URB1: variants seen among roughly 807,000 people sequenced by gnomAD.
URB1 encodes URB1 ribosome biogenesis factor, also known as nucleolar pre-ribosomal-associated protein 1.
A neutral mutation model predicts 242.3 loss-of-function variants in URB1; 197 were observed. The observed-to-expected ratio is 0.81, with a 90% CI of 0.72 to 0.91. The LOEUF is 0.91. Among genes scored for constraint, URB1 ranks in the 40% least tolerant of loss-of-function variants. The probability of loss-of-function intolerance (pLI) is 0.00; values close to 1 mark genes in which losing one functional copy is unlikely to be tolerated. For missense variants in URB1, 2,721 were observed against 2,860.5 expected (o/e 0.95, Z 1.11); for synonymous variants, 1,153 against 1,201.8 (o/e 0.96, Z 0.84).
chr21:32,315,702 G>A (rs1371689262), intron 38 of URB1, among the ~76,000 whole-genome samples: 1 of 152,226 alleles, frequency 6.6e-6, no homozygotes, highest in Non-Finnish European at 1.5e-5. Context: ...TGAAATTTGA[G>A]AAGAACTTCC....
chr21:32,325,368 T>C lies in URB1; in HGVS notation c.4982A>G (p.Lys1661Arg), dbSNP rs1228099138. Residue 1661 changes from lysine to arginine, a missense_variant, in exon 31 of 39, where the codon AAA (lysine) becomes AGA (arginine). By Grantham distance (26) the Lys-to-Arg change is conservative. Coordinates refer to ENST00000382751, the MANE Select transcript of URB1 (RefSeq NM_014825.3). ...GCCCAGAGCATTTGAATCCAAAAAT[T>C]TTCGACAATCCACCACAAACTCTGC... ...TRPEFVVDCR[K>R]FLDSNALGLT... The C allele has an allele frequency of 3.9e-6, 6 of 1,550,740 alleles. No homozygotes were observed. Among genetic ancestry groups the C allele is most frequent in the Non-Finnish European group, 5.2e-6 (6 of 1,146,208 alleles).
At chr21:32,391,189 G>A (rs1294097054) in intron 1 of URB1, among the ~76,000 whole-genome samples, 1 of 150,742 alleles carries the variant, frequency 6.6e-6, no homozygotes, top group Non-Finnish European at 1.5e-5. Flanking sequence ...GACACAGGAA[G>A]GGGAACATCA....
chr21:32,359,135 A>G (rs1050639941), intron 14 of URB1, among the ~76,000 whole-genome samples: 2 of 152,228 alleles, frequency 1.3e-5, no homozygotes, highest in African/African-American at 4.8e-5. Context: ...CTGGTTCCAT[A>G]TAAGATCTAA....
At chr21:32,357,345 GC>G (rs1351418229) in intron 15 of URB1, among the ~76,000 whole-genome samples, 191 bp downstream of exon 15, 1 of 147,882 alleles carries the variant, frequency 6.8e-6, no homozygotes, top group Admixed American at 6.7e-5. Context: ...TTTTTCCAAT[GC>G]ACCAGGCTGC....
chr21:32,322,276 A>T (rs2833766), intron 33 of URB1, among the ~76,000 whole-genome samples: 23,170 of 152,208 alleles, frequency 0.15, 2,117 homozygotes, highest in African/African-American at 0.26. Flanking sequence ...TCTGAAGCAG[A>T]GTTTTTAAGG....
chr21:32,323,002 C>T (rs1468542666), intron 32 of URB1, among the ~76,000 whole-genome samples: 1 of 152,216 alleles, frequency 6.6e-6, no homozygotes, highest in East Asian at 1.9e-4. Context: ...GAGGCTCAGA[C>T]ACTACTGAGT....
chr21:32,368,716 A>C, intron 8 of URB1, 118 bp from the exon 9 acceptor site: 1 of 868,776 alleles, frequency 1.2e-6, no homozygotes, highest in Non-Finnish European at 1.7e-6. Context: ...ATAACAACGT[A>C]GGGAATTTCC....
intron 35 of URB1, 139 bp downstream of exon 35, chr21:32,320,392 G>C (rs1301134204): frequency 9.2e-6 from 6 of 655,616 alleles, no homozygotes; most frequent in African/African-American, 1.8e-5. Flanking sequence ...GCATATGGTA[G>C]CATTGGAGGA....
At chr21:32,323,527 G>A (rs2282097) in intron 32 of URB1, among the ~76,000 whole-genome samples, 10,148 of 152,278 alleles carry the variant, frequency 0.067, 529 homozygotes, top group East Asian at 0.25. Context: ...TAACAGCGTG[G>A]ATTACACATG....
chr21:32,337,558 C>A, intron 26 of URB1, 44 bp from the exon 27 acceptor site: 1 of 1,491,616 alleles, frequency 6.7e-7, no homozygotes, highest in Non-Finnish European at 9.1e-7. Flanking sequence ...GTGGGGCAGA[C>A]ACACTGAATA....
Position 32,312,023 on chromosome 21 carries a change from G to A in URB1, c.*2895C>T, listed in dbSNP as rs1400678007. ...GTCAGTAAATCGTGGCCATAGCTGA[G>A]TGAACTGGTGAAATCAAGCCAACCT... On this transcript the variant is annotated 3_prime_UTR_variant, in exon 39 of 39. Transcript: ENST00000382751. The A allele has an allele frequency of 1.9e-6, 3 of 1,612,256 alleles. No individual in the cohort carries two copies. The highest frequency in any genetic ancestry group is 1.7e-5 in the Admixed American group (1 of 60,008).
intron 27 of URB1, 110 bp from the exon 28 acceptor site, chr21:32,337,267 C>A (rs1568814923): frequency 7.4e-7 from 1 of 1,351,884 alleles, no homozygotes. Flanking sequence ...GTCCTCATAT[C>A]TTCACCCTGC....
chr21:32,391,458 C>A (rs1206001063), intron 1 of URB1, among the ~76,000 whole-genome samples: 1 of 152,066 alleles, frequency 6.6e-6, no homozygotes, highest in African/African-American at 2.4e-5. Context: ...CACCCTCAGG[C>A]ACCATGTACC....
chr21:32,361,685 C>T (rs1056690743), intron 12 of URB1, among the ~76,000 whole-genome samples: 5 of 152,178 alleles, frequency 3.3e-5, no homozygotes, highest in Admixed American at 2.0e-4. Flanking sequence ...AAGATGGGCA[C>T]GTTTCTAACA....
At chr21:32,333,453 T>G in intron 29 of URB1, 34 bp from the exon 30 acceptor site, 1 of 1,501,026 alleles carries the variant, frequency 6.7e-7, no homozygotes, top group Non-Finnish European at 9.1e-7. Flanking sequence ...AACGTGTGAT[T>G]CAACCTCACA....
Position 32,334,224 on chromosome 21 carries a change from C to T in URB1, c.4796G>A (p.Arg1599Gln), listed in dbSNP as rs749271715. The stretch of plus-strand genomic sequence containing the variant: ...CAGGATGGTCTGCATCATCCGGTCC[C>T]GGTCCAGCAGGCGAAGGATGTCCCC... ...SVGDILRLLD[R>Q]DRMMQTILHF... The change falls in exon 29 of 39, where the codon CGG (arginine) becomes CAG (glutamine). Residue 1599 changes from arginine to glutamine, a missense_variant. Arg to Gln is a conservative substitution (Grantham distance 43, BLOSUM62 1). Coordinates refer to ENST00000382751, the MANE Select transcript of URB1 (RefSeq NM_014825.3). 175 of 1,551,516 alleles carry T rather than the reference C, an allele frequency of 1.1e-4. No individual in the cohort carries two copies. The highest frequency in any genetic ancestry group is 9.8e-5 in the Admixed American group (5 of 51,002).
rs1413798552 is a variant in URB1 at position 32,368,618 on chromosome 21, G to A, written c.1002-20C>T. On this transcript the variant is annotated intron_variant, in intron 8 of 38. Transcript: ENST00000382751. ...CCGCCTCTGTTAGAGAAAGACACAT[G>A]GGGAGAGGTCAGCAGAAAATGGTCA... 5.8e-6 allele frequency: 9 copies of A among 1,540,216 alleles called. No homozygotes were observed. The highest frequency in any genetic ancestry group is 7.9e-6 in the Non-Finnish European group (9 of 1,142,338).
Position 32,349,399 on chromosome 21 carries a change from C to T in URB1, c.2917G>A (p.Ala973Thr), listed in dbSNP as rs1217948884. The stretch of plus-strand genomic sequence containing the variant: ...GCCTCGCATCTCTGCTGGTTCTGGG[C>T]ATCCAGCTGCTCACAGTGGACAACC... ...RLVVHCEQLD[A>T]QNQQRCEAAR... The change falls in exon 21 of 39, where the codon GCC becomes ACC. Residue 973 changes from alanine to threonine, a missense_variant. Ala to Thr is a moderately conservative substitution (Grantham distance 58). Coordinates refer to ENST00000382751, the MANE Select transcript of URB1 (RefSeq NM_014825.3). 3.2e-5 allele frequency: 50 copies of T among 1,551,388 alleles called. No individual in the cohort carries two copies. The highest frequency in any genetic ancestry group is 4.3e-5 in the Non-Finnish European group (49 of 1,146,982).
chr21:32,373,500 G>T, intron 7 of URB1, 147 bp downstream of exon 7: 2 of 880,018 alleles, frequency 2.3e-6, no homozygotes, highest in Non-Finnish European at 3.1e-6. Flanking sequence ...TTAGCAGAGG[G>T]TTAATACAAC....
Sources: allele counts gnomAD v4.1 joint callset (sites outside exome capture counted in the v4.1 genomes callset), GRCh38; gene constraint gnomAD v4.1.1; transcripts MANE v1.5; gene names NCBI Gene and HGNC (gene_info 2026-07-23, HGNC 2026-07-21).